DGKB: variants seen among roughly 807,000 people sequenced by gnomAD.
DGKB encodes the protein diacylglycerol kinase beta, also known as 90 kDa diacylglycerol kinase.
In DGKB, 67 loss-of-function variants were observed where a neutral mutation model predicts 114.3. The ratio of observed to expected loss-of-function variants is 0.59; its 90% CI spans 0.48 to 0.72. The LOEUF is 0.72. Ranked by LOEUF, DGKB falls within the 30% of genes least tolerant of loss-of-function variation. DGKB has a pLI of 0.00. For missense variants in DGKB, 907 were observed against 975.2 expected (o/e 0.93, Z 0.93); for synonymous variants, 398 against 323.1 (o/e 1.23, Z -2.49).
At chr7:14,788,183 G>T (rs1259962950) in intron 2 of DGKB, among the ~76,000 whole-genome samples, 1 of 152,188 alleles carries the variant, frequency 6.6e-6, no homozygotes, top group Non-Finnish European at 1.5e-5. Context: ...CCATGGCATT[G>T]CCCTGATACA....
Position 14,567,910 on chromosome 7 carries a change from T to C in DGKB, c.1770+6302A>G, listed in dbSNP as rs1036889850. Reference sequence around the variant, plus strand: ...GCGTGAGCCACAGCACCCAGCCAGATGACCTGTGTCTTTAATTTACTCCCA... The same window carrying C: ...GCGTGAGCCACAGCACCCAGCCAGACGACCTGTGTCTTTAATTTACTCCCA... On this transcript the variant is annotated intron_variant, in intron 20 of 25. Transcript: ENST00000402815. Among the ~76,000 whole-genome samples the C allele has an allele frequency of 2.0e-5, 3 of 152,074 alleles. No individual in the cohort carries two copies. The South Asian group carries it at 6.2e-4, about 32-fold the overall frequency.
At chr7:14,913,073 T>C (rs1195593130) in intron 1 of DGKB, among the ~76,000 whole-genome samples, 1 of 152,108 alleles carries the variant, frequency 6.6e-6, no homozygotes, top group East Asian at 1.9e-4. Flanking sequence ...TGGTTAGCAC[T>C]CTTCTTAGCT....
intron 23 of DGKB, among the ~76,000 whole-genome samples, chr7:14,267,449 T>G (rs943236268): frequency 6.6e-6 from 1 of 151,740 alleles, no homozygotes; most frequent in Admixed American, 6.6e-5. Context: ...CAGAAAACCA[T>G]GAGTTGTAAT....
intron 1 of DGKB, among the ~76,000 whole-genome samples, chr7:14,897,206 A>G (rs1414780938): frequency 6.6e-6 from 1 of 151,970 alleles, no homozygotes; most frequent in Non-Finnish European, 1.5e-5. Context: ...CAGTTCACAT[A>G]GATACAATAT....
chr7:14,310,708 A>G (rs906659785), intron 23 of DGKB, among the ~76,000 whole-genome samples: 4 of 152,184 alleles, frequency 2.6e-5, no homozygotes, highest in African/African-American at 9.7e-5. Flanking sequence ...GAACCTAATA[A>G]TACCAGGAAC....
At chr7:14,160,547 G>GACTT (rs903968581) in intron 25 of DGKB, among the ~76,000 whole-genome samples, 36 of 152,094 alleles carry the variant, frequency 2.4e-4, no homozygotes, top group African/African-American at 8.4e-4. Context: ...CTAGGAATAC[G>GACTT]ACTTACTTAC....
rs191337957 is a variant in DGKB, at chr7:14,912,979, G to A, written c.-188+61717C>T. ...TCCACCATTTCTTTCCGATTTTGTGGTTCTCGTCAAGTGCCCCACTTTGTT... is the reference window on the plus strand; with the variant it reads ...TCCACCATTTCTTTCCGATTTTGTGATTCTCGTCAAGTGCCCCACTTTGTT... On this transcript the variant is annotated intron_variant, in intron 1 of 4. Transcript: ENST00000437998. Among the ~76,000 whole-genome samples the A allele has an allele frequency of 2.5e-4, 38 of 152,080 alleles. No homozygotes were observed. The East Asian group carries it at 5.0e-3, about 20-fold the overall frequency.
intron 21 of DGKB, among the ~76,000 whole-genome samples, chr7:14,409,424 G>GAATTGTTTGATATGTACCGTAGATTAA (rs1583716004): frequency 3.1e-4 from 23 of 74,990 alleles, no homozygotes; most frequent in East Asian, 6.2e-4. Flanking sequence ...AGAAAAAGTT[G>GAATTGTTTGATATGTACCGTAGATTAA]AGGCCGGGCG....
intron 5 of DGKB, among the ~76,000 whole-genome samples, chr7:14,732,383 C>G (rs1340690245): frequency 6.6e-6 from 1 of 151,994 alleles, no homozygotes; most frequent in Non-Finnish European, 1.5e-5. Flanking sequence ...TTTTCAGCCA[C>G]AAAAACACCT....
At chr7:14,878,755 C>CA (rs5882472) in intron 1 of DGKB, among the ~76,000 whole-genome samples, 27,374 of 113,034 alleles carry the variant, frequency 0.24, 3,263 homozygotes, top group East Asian at 0.51. Flanking sequence ...TCTCAAAAAA[C>CA]AAAAAAAAAA....
intron 1 of DGKB, among the ~76,000 whole-genome samples, chr7:14,926,227 C>T (rs1784744297): frequency 6.6e-6 from 1 of 151,862 alleles, no homozygotes; most frequent in South Asian, 2.1e-4. Context: ...CTTATCACTG[C>T]TTTTTGAAGG....
In DGKB at chr7:14,769,280, A is replaced by AAG. The variant is rs562853033; in HGVS notation, c.71-11551_71-11550dup. Among the ~76,000 whole-genome samples, 10 of 147,288 alleles carry AAG rather than the reference A, an allele frequency of 6.8e-5. No homozygotes were observed. In the East Asian group the frequency reaches 2.0e-3, roughly 30 times the overall value. ...AAAGAAAGAAAGAAAGAAAGAAAGA[A>AAG]AGATTTTGTAAAGGAGTTTAGTTAC... On this transcript the variant is annotated intron_variant, in intron 2 of 25. Transcript: ENST00000402815.
At chr7:14,576,722 A>T (rs1448229348) in intron 19 of DGKB, among the ~76,000 whole-genome samples, 6 of 152,202 alleles carry the variant, frequency 3.9e-5, no homozygotes, top group Non-Finnish European at 8.8e-5. Flanking sequence ...CCGGGAGAGA[A>T]CATGATAGGA....
intron 23 of DGKB, chr7:14,209,145 T>G: frequency 3.7e-6 from 1 of 266,704 alleles, no homozygotes; most frequent in Non-Finnish European, 7.2e-6. Context: ...GACATGAGTA[T>G]AAGCCTGAGT....
At chr7:14,429,959 G>A (rs1363423719) in intron 21 of DGKB, among the ~76,000 whole-genome samples, 7 of 152,078 alleles carry the variant, frequency 4.6e-5, no homozygotes, top group Non-Finnish European at 7.4e-5. Context: ...TGTATTTCGG[G>A]GAAATTCCTG....
At chr7:14,433,165 A>T (rs746917420) in intron 21 of DGKB, among the ~76,000 whole-genome samples, 38 of 152,170 alleles carry the variant, frequency 2.5e-4, no homozygotes, top group Non-Finnish European at 4.7e-4. Flanking sequence ...ACTGGCTAGC[A>T]GGAAGATAAA....
At chr7:14,580,554 G>C (rs1034801082) in intron 19 of DGKB, among the ~76,000 whole-genome samples, 2 of 152,064 alleles carry the variant, frequency 1.3e-5, no homozygotes, top group Admixed American at 1.3e-4. Flanking sequence ...TTACCTTGAA[G>C]TGCATCCATG....
intron 23 of DGKB, among the ~76,000 whole-genome samples, chr7:14,234,463 C>T (rs960475500): frequency 2.6e-4 from 39 of 151,992 alleles, no homozygotes; most frequent in Admixed American, 7.2e-4. Context: ...ACATGAACCA[C>T]GCAATGCTAA....
intron 1 of DGKB, among the ~76,000 whole-genome samples, chr7:14,944,860 C>A (rs968639608): frequency 6.6e-6 from 1 of 151,446 alleles, no homozygotes; most frequent in African/African-American, 2.4e-5. Flanking sequence ...TTGTATATAC[C>A]ATAAGTATAT....
Sources: gnomAD v4.1 joint callset for allele counts (sites outside exome capture counted in the v4.1 genomes callset) on GRCh38, gnomAD v4.1.1 for gene constraint, MANE v1.5 for transcripts, NCBI Gene and HGNC (gene_info 2026-07-23, HGNC 2026-07-21) for gene names.